Variants in TTLL7 observed in about 807,000 individuals in gnomAD.
The protein encoded by TTLL7 is tubulin tyrosine ligase like 7.
A neutral mutation model predicts 120.2 loss-of-function variants in TTLL7; 53 were observed. The observed-to-expected ratio is 0.44, with a 90% CI of 0.35 to 0.55. TTLL7 has a LOEUF of 0.55. TTLL7 is among the 20% of genes least tolerant of loss of function. The pLI is 0.00. For missense variants in TTLL7, 803 were observed against 1,054.7 expected (o/e 0.76, Z 3.31); for synonymous variants, 353 against 351.7 (o/e 1.00, Z -0.04).
At chr1:83,893,276 G>A (rs1158908736) in intron 18 of TTLL7, among the ~76,000 whole-genome samples, 2 of 151,846 alleles carry the variant, frequency 1.3e-5, no homozygotes, top group Admixed American at 1.3e-4. Context: ...AAATCCTAGA[G>A]GTCCTAAAAA....
In TTLL7 at chr1:83,942,472, C is replaced by T. The variant is rs975685029; in HGVS notation, c.714G>A (p.Glu238=). The T allele has an allele frequency of 1.5e-5, 24 of 1,613,158 alleles. No homozygotes were observed. The highest frequency in any genetic ancestry group is 2.0e-5 in the Non-Finnish European group (24 of 1,179,456). The change falls in exon 7 of 21, where the codon GAG becomes GAA. Residue 238 remains glutamate (E), a synonymous_variant. Transcript: ENST00000260505. ...MGTEKYIPPN[E]SNLTQLYMHL... The stretch of plus-strand genomic sequence containing the variant: ...GTCTGGTATCACTTACCAAATTGGA[C>T]TCATTAGGTGGAATGTACTTCTCTG...
At chr1:83,880,395 A>T (rs1309539504) in intron 20 of TTLL7, 1 of 152,016 alleles carries the variant, frequency 6.6e-6, no homozygotes, top group Non-Finnish European at 1.5e-5. Flanking sequence ...ACAAAAATTT[A>T]AAATATTTCT....
intron 18 of TTLL7, among the ~76,000 whole-genome samples, chr1:83,899,768 G>C (rs994079928): frequency 4.0e-5 from 6 of 151,694 alleles, no homozygotes; most frequent in Non-Finnish European, 7.4e-5. Context: ...AAAAAAAAGA[G>C]TAGCAGGGTA....
chr1:83,981,517 G>A (rs933484269), intron 1 of TTLL7: 1 of 152,024 alleles, frequency 6.6e-6, no homozygotes, highest in Non-Finnish European at 1.5e-5. Context: ...AAAACTAATA[G>A]ATCTGAAAAG....
At chr1:83,975,428 A>G (rs1651375961) in intron 1 of TTLL7, among the ~76,000 whole-genome samples, 2 of 152,130 alleles carry the variant, frequency 1.3e-5, no homozygotes, top group Admixed American at 6.6e-5. Flanking sequence ...AGATGAGAAA[A>G]CTGAGACTCA....
chr1:83,926,739 G>A (rs1176721767), intron 10 of TTLL7, among the ~76,000 whole-genome samples: 2 of 152,114 alleles, frequency 1.3e-5, no homozygotes, highest in African/African-American at 4.8e-5. Flanking sequence ...GGACAGACAG[G>A]CAATTTAACT....
chr1:83,931,592 C>A (rs1055181885), intron 9 of TTLL7, among the ~76,000 whole-genome samples: 8 of 152,122 alleles, frequency 5.3e-5, no homozygotes, highest in African/African-American at 1.9e-4. Flanking sequence ...TGAATAATGG[C>A]TACACCAGGG....
intron 18 of TTLL7, chr1:83,900,256 G>A (rs1204837033): frequency 2.9e-6 from 1 of 341,642 alleles, no homozygotes; most frequent in African/African-American, 2.2e-5. Context: ...AATTAAAAGA[G>A]TCTAGAATGG....
At chr1:83,920,203 G>T in intron 12 of TTLL7, among the ~76,000 whole-genome samples, 1 of 152,104 alleles carries the variant, frequency 6.6e-6, no homozygotes, top group East Asian at 1.9e-4. Context: ...TAGAGAATTA[G>T]CATTAAACAA....
chr1:83,935,820 C>G (rs1647326958), intron 8 of TTLL7, among the ~76,000 whole-genome samples: 1 of 152,048 alleles, frequency 6.6e-6, no homozygotes, highest in Non-Finnish European at 1.5e-5. Context: ...TTTATATTAT[C>G]CCATTGATTC....
chr1:83,902,469 C>T (rs1050526276), intron 18 of TTLL7, among the ~76,000 whole-genome samples: 10 of 152,036 alleles, frequency 6.6e-5, no homozygotes, highest in Non-Finnish European at 1.5e-4. Context: ...CCAAAAATTA[C>T]AGTCAGTTCT....
At chr1:83,971,817 C>G (rs2100572048) in intron 1 of TTLL7, among the ~76,000 whole-genome samples, 1 of 152,100 alleles carries the variant, frequency 6.6e-6, no homozygotes, top group African/African-American at 2.4e-5. Context: ...AAAAACAGTC[C>G]TAGCCATCTT....
chr1:83,948,548 A>T (rs1557711247), intron 5 of TTLL7, 80 bp downstream of exon 5: 2 of 939,192 alleles, frequency 2.1e-6, no homozygotes, highest in Non-Finnish European at 3.4e-6. Context: ...AATCAATGTA[A>T]CCTTGTGAAA....
intron 1 of TTLL7, among the ~76,000 whole-genome samples, chr1:83,969,548 G>A (rs1279825678): frequency 6.6e-6 from 1 of 151,860 alleles, no homozygotes; most frequent in East Asian, 1.9e-4. Flanking sequence ...CATCACTAAA[G>A]GGGAACACTC....
At chr1:83,993,406 G>A (rs770859281) in intron 1 of TTLL7, among the ~76,000 whole-genome samples, 39 of 152,190 alleles carry the variant, frequency 2.6e-4, no homozygotes, top group Non-Finnish European at 4.7e-4. Flanking sequence ...CTGCCATACC[G>A]TTGAATTAGA....
At chr1:83,961,178 G>A (rs1052422837) in intron 1 of TTLL7, among the ~76,000 whole-genome samples, 20 of 152,130 alleles carry the variant, frequency 1.3e-4, no homozygotes. Context: ...GAACATAGGA[G>A]TTAAACTGCT....
chr1:83,938,461 T>A (rs1033691197), intron 7 of TTLL7, among the ~76,000 whole-genome samples: 1 of 152,064 alleles, frequency 6.6e-6, no homozygotes, highest in African/African-American at 2.4e-5. Flanking sequence ...AAATAAAAAA[T>A]GAAAACTCAC....
chr1:83,958,258 A>G (rs1649702110), intron 1 of TTLL7, among the ~76,000 whole-genome samples: 1 of 152,242 alleles, frequency 6.6e-6, no homozygotes, highest in Non-Finnish European at 1.5e-5. Flanking sequence ...ATTGAAAAAC[A>G]AGTTATAAGA....
At chr1:83,964,842 A>C (rs1650310868) in intron 1 of TTLL7, among the ~76,000 whole-genome samples, 1 of 152,186 alleles carries the variant, frequency 6.6e-6, no homozygotes, top group African/African-American at 2.4e-5. Flanking sequence ...TTAGTTTTAT[A>C]AATTGAATAT....
Sources: allele counts gnomAD v4.1 joint callset (sites outside exome capture counted in the v4.1 genomes callset), GRCh38; gene constraint gnomAD v4.1.1; transcripts MANE v1.5; gene names NCBI Gene and HGNC (gene_info 2026-07-23, HGNC 2026-07-21).